UBIAD1: variants seen among roughly 807,000 people sequenced by gnomAD.
UBIAD1 encodes ubiA prenyltransferase domain-containing protein 1.
Under a neutral mutation model 20.1 loss-of-function variants are expected in UBIAD1, and 12 were observed. The ratio of observed to expected loss-of-function variants is 0.60; its 90% CI spans 0.38 to 0.97. The LOEUF is 0.97. Among genes scored for constraint, UBIAD1 ranks in the 50% least tolerant of loss-of-function variants. The pLI is 0.00. For missense variants in UBIAD1, 333 were observed against 419.5 expected (o/e 0.79, Z 1.80); for synonymous variants, 207 against 189.2 (o/e 1.09, Z -0.77).
At chr1:11,281,821 A>G (rs538432254) in intron 1 of UBIAD1, among the ~76,000 whole-genome samples, 161 of 152,246 alleles carry the variant, frequency 1.1e-3, no homozygotes, top group African/African-American at 3.7e-3. Flanking sequence ...ACCTTTCACT[A>G]TGAACTATGT....
intron 1 of UBIAD1, among the ~76,000 whole-genome samples, chr1:11,278,060 C>T (rs897470846): frequency 9.9e-5 from 15 of 152,240 alleles, no homozygotes; most frequent in South Asian, 8.3e-4. Context: ...CGGGATCAAG[C>T]GATCATCCTA....
At position 11,286,181 on chromosome 1, in the gene UBIAD1, TAAAGTC is replaced by T; in HGVS notation, c.*52_*57del. Reference sequence around the variant, plus strand: ...CATGTCTCCCTTTCTTAGAATATATTAAAGTCAGAGTCTCTGAGGAAGGAATGTGAT... The same window carrying T: ...CATGTCTCCCTTTCTTAGAATATATTAGAGTCTCTGAGGAAGGAATGTGAT... On this transcript the variant is annotated 3_prime_UTR_variant, in exon 2 of 2. Transcript: ENST00000376810. 1.2e-6 allele frequency: 2 copies of T among 1,611,852 alleles called. No individual in the cohort carries two copies. Among genetic ancestry groups the T allele is most frequent in the South Asian group, 1.1e-5 (1 of 90,924 alleles).
chr1:11,291,606 C>CAA (rs771883369), downstream of UBIAD1, among the ~76,000 whole-genome samples: 48 of 56,210 alleles, frequency 8.5e-4, no homozygotes, highest in South Asian at 2.7e-3. Context: ...GACTTCATCT[C>CAA]AAAAAAAAAA....
chr1:11,286,068 G>T lies in UBIAD1; in HGVS notation c.954G>T (p.Leu318=), dbSNP rs757114710. 39 of 1,614,058 alleles carry T rather than the reference G, an allele frequency of 2.4e-5. No individual in the cohort carries two copies. Among genetic ancestry groups the T allele is most frequent in the African/African-American group, 4.0e-5 (3 of 74,924 alleles). ...LPQRTAKLNL[L]LGLFYVFGII... Reference sequence around the variant, plus strand: ...AGAGGACTGCCAAGCTCAACCTCCTGCTGGGACTTTTCTATGTCTTTGGCA... The same window carrying T: ...AGAGGACTGCCAAGCTCAACCTCCTTCTGGGACTTTTCTATGTCTTTGGCA... Residue 318 remains leucine (L), a synonymous_variant, in exon 2 of 2, where the codon CTG becomes CTT. Transcript: ENST00000376810.
At chr1:11,294,826 CTCCTGTCCCCTCATCTGTCTG>C in intron 1 of UBIAD1, 1 of 717,474 alleles carries the variant, frequency 1.4e-6, no homozygotes. Flanking sequence ...TAAATTTATG[CTCCTGTCCCCTCATCTGTCTG>C]TCCTCATTCG....
chr1:11,292,456 G>A (rs890458728), downstream of UBIAD1, among the ~76,000 whole-genome samples: 3 of 152,086 alleles, frequency 2.0e-5, no homozygotes, highest in South Asian at 2.1e-4. Context: ...CATCAGAGAG[G>A]CGTTGGATGA....
At chr1:11,276,207 G>A (rs1301540253) in intron 1 of UBIAD1, among the ~76,000 whole-genome samples, 2 of 152,158 alleles carry the variant, frequency 1.3e-5, no homozygotes, top group Non-Finnish European at 2.9e-5. Flanking sequence ...TGTATCTAGC[G>A]GGTGGTAGTG....
At chr1:11,298,580 A>ATAAAT (rs1638482344), downstream of UBIAD1, among the ~76,000 whole-genome samples, 1 of 150,698 alleles carries the variant, frequency 6.6e-6, no homozygotes, top group African/African-American at 2.5e-5. This position sits in a 1 kb window ranked among gnomAD's most constrained non-coding sequence, Gnocchi z 4.0. Flanking sequence ...AAATAAATAA[A>ATAAAT]TAAATAAATA....
At chr1:11,274,097 G>T (rs551545830) in intron 1 of UBIAD1, 37 bp downstream of exon 1, 83 of 1,613,080 alleles carry the variant, frequency 5.1e-5, no homozygotes, top group Non-Finnish European at 6.6e-5. Flanking sequence ...GCAGGTCTTA[G>T]TCGCGTCCAC....
At chr1:11,292,697 ACACACACACACACACT>A (rs1316758510), downstream of UBIAD1, among the ~76,000 whole-genome samples, 230 of 151,824 alleles carry the variant, frequency 1.5e-3, 1 homozygote, top group African/African-American at 5.1e-3. Context: ...ACACACACAC[ACACACACACACACACT>A]CACAGAGTTG....
downstream of UBIAD1, among the ~76,000 whole-genome samples, chr1:11,289,102 A>G (rs921647361): frequency 6.6e-6 from 1 of 152,226 alleles, no homozygotes; most frequent in African/African-American, 2.4e-5. Flanking sequence ...ATTGGACAAT[A>G]TATCCTATGA....
Position 11,287,038 on chromosome 1 carries a change from C to CCTCCACCT in UBIAD1, c.*918_*925dup, listed in dbSNP as rs1638282298. The CCTCCACCT allele has an allele frequency of 6.6e-6, 1 of 152,350 alleles. No individual in the cohort carries two copies. Among genetic ancestry groups the CCTCCACCT allele is most frequent in the African/African-American group, 2.4e-5 (1 of 41,446 alleles). 9.4% of individuals were successfully genotyped at this position (152,350 alleles called of 1,614,324 possible). A position where few individuals can be genotyped will look rare whatever the true frequency, so the allele number is the denominator to read the frequency against. On this transcript the variant is annotated 3_prime_UTR_variant, in exon 2 of 2. Transcript: ENST00000376810. ...ATCTTCTGATGCTCCCCACACCTAC[C>CCTCCACCT]CTCCACCTCTCCACCTCTGTGGTGT...
At chr1:11,298,569 AAAAT>A (rs368913011), downstream of UBIAD1, among the ~76,000 whole-genome samples, 3,232 of 145,028 alleles carry the variant, frequency 0.022, 43 homozygotes, top group Middle Eastern at 0.05. The surrounding 1 kb of genome is among the most constrained non-coding windows in gnomAD (Gnocchi z 4.0). Flanking sequence ...CCTGTCTCCA[AAAAT>A]AAATAAATAA....
chr1:11,296,015 G>A (rs1638441201), downstream of UBIAD1: 1 of 152,192 alleles, frequency 6.6e-6, no homozygotes, highest in South Asian at 2.1e-4. Flanking sequence ...GGGCAGAAGA[G>A]ATGAACTTCT....
intron 1 of UBIAD1, chr1:11,293,673 CTTA>C (rs1168786364): frequency 2.0e-5 from 3 of 151,912 alleles, no homozygotes; most frequent in Non-Finnish European, 2.9e-5. Flanking sequence ...ATGGCAGTAA[CTTA>C]TTATTATTAT....
At chr1:11,298,657 T>A (rs983757648), downstream of UBIAD1, among the ~76,000 whole-genome samples, 1 of 152,138 alleles carries the variant, frequency 6.6e-6, no homozygotes, top group Non-Finnish European at 1.5e-5. The surrounding 1 kb of genome is among the most constrained non-coding windows in gnomAD (Gnocchi z 4.0). Context: ...TTATGGACAT[T>A]TGGGGACACC....
intron 1 of UBIAD1, among the ~76,000 whole-genome samples, chr1:11,281,826 CTATG>C: frequency 6.6e-6 from 1 of 152,228 alleles, no homozygotes; most frequent in Admixed American, 6.5e-5. Context: ...TCACTATGAA[CTATG>C]TATGTATGTA....
chr1:11,273,484 C>G lies in UBIAD1; in HGVS notation c.-48C>G. The G allele has an allele frequency of 6.2e-7, 1 of 1,608,360 alleles. No homozygotes were observed. Among genetic ancestry groups the G allele is most frequent in the Non-Finnish European group, 8.5e-7 (1 of 1,179,598 alleles). ...GTCCTTCCTCCTTCCCGGGCGGTCA[C>G]TGTGCGTGGCTCACTTTTAGAGTTT... On this transcript the variant is annotated 5_prime_UTR_variant, in exon 1 of 2. Coordinates refer to ENST00000376810, the MANE Select transcript of UBIAD1 (RefSeq NM_013319.3). This position sits in a 1 kb window ranked among gnomAD's most constrained non-coding sequence, Gnocchi z 4.9.
At chr1:11,275,980 A>G (rs1312487461) in intron 1 of UBIAD1, among the ~76,000 whole-genome samples, 1 of 152,196 alleles carries the variant, frequency 6.6e-6, no homozygotes. Context: ...GGAGGCACAC[A>G]CACGGATTAT....
Sources: gnomAD v4.1 joint callset for allele counts (sites outside exome capture counted in the v4.1 genomes callset) on GRCh38, gnomAD v4.1.1 for gene constraint, Gnocchi (gnomAD v3.1) non-coding constraint, MANE v1.5 for transcripts, NCBI Gene and HGNC (gene_info 2026-07-23, HGNC 2026-07-21) for gene names.